Variants in ZHX2 observed in about 807,000 individuals in gnomAD.
The protein encoded by ZHX2 is zinc fingers and homeoboxes protein 2.
A neutral mutation model predicts 21.9 loss-of-function variants in ZHX2; 6 were observed. The observed-to-expected ratio is 0.27, with a 90% CI of 0.15 to 0.54. The LOEUF (loss-of-function observed/expected upper bound fraction) is 0.54. Ranked by LOEUF, ZHX2 falls within the 20% of genes least tolerant of loss-of-function variation. ZHX2 has a pLI of 0.95. For synonymous variants in ZHX2, 434 were observed against 437.1 expected (o/e 0.99, Z 0.09); for missense variants, 908 against 1,090.7 (o/e 0.83, Z 2.36).
At chr8:122,908,836 A>G (rs1820409010) in intron 2 of ZHX2, among the ~76,000 whole-genome samples, 1 of 152,176 alleles carries the variant, frequency 6.6e-6, no homozygotes, top group Non-Finnish European at 1.5e-5. Context: ...TTCTTTTTCA[A>G]AAGTAGATGT....
At chr8:122,906,345 G>A (rs899421892) in intron 2 of ZHX2, among the ~76,000 whole-genome samples, 12 of 152,272 alleles carry the variant, frequency 7.9e-5, no homozygotes, top group East Asian at 5.8e-4. Flanking sequence ...ATGAGAAATC[G>A]GAGATAACCT....
chr8:122,836,888 A>G (rs1818514763), intron 1 of ZHX2, among the ~76,000 whole-genome samples: 1 of 152,166 alleles, frequency 6.6e-6, no homozygotes. Flanking sequence ...GCATTTCCAG[A>G]CAATTAGGGC....
intron 2 of ZHX2, among the ~76,000 whole-genome samples, chr8:122,865,180 G>C (rs1027051303): frequency 1.3e-4 from 19 of 151,126 alleles, no homozygotes; most frequent in South Asian, 4.2e-4. Context: ...CCAGGCTGGA[G>C]TGCAGTGGCA....
At chr8:122,962,560 A>G (rs1235802935) in intron 3 of ZHX2, among the ~76,000 whole-genome samples, 2 of 152,094 alleles carry the variant, frequency 1.3e-5, no homozygotes, top group African/African-American at 4.8e-5. Context: ...TATTTTTGCA[A>G]CTGTGAATTT....
At chr8:122,945,436 CAAAAAAAAAA>C (rs60890533) in intron 2 of ZHX2, among the ~76,000 whole-genome samples, 26,990 of 73,546 alleles carry the variant, frequency 0.37, 3,389 homozygotes, top group Middle Eastern at 0.55. Context: ...CCTGTCTCTG[CAAAAAAAAAA>C]AAAAAAAAAA....
Position 122,947,265 on chromosome 8 carries a change from TA to T in ZHX2, c.-219-4013del, listed in dbSNP as rs61243571. ...GGGCAACAGAGCAAGACCCCATCTCTAAAAAAAAAAAAAACCTTTCTGCCTT... is the reference window on the plus strand; with the variant it reads ...GGGCAACAGAGCAAGACCCCATCTCTAAAAAAAAAAAAACCTTTCTGCCTT... On this transcript the variant is annotated intron_variant, in intron 2 of 3. Transcript: ENST00000314393. Among the ~76,000 whole-genome samples the T allele has an allele frequency of 6.1e-3, 867 of 141,902 alleles. 1 individual carries two copies. Among genetic ancestry groups the T allele is most frequent in the Middle Eastern group, 0.011 (3 of 284 alleles). 93.1% of individuals were successfully genotyped at this position (141,902 alleles called of 152,430 possible).
At chr8:122,839,904 A>G (rs1304247370) in intron 1 of ZHX2, among the ~76,000 whole-genome samples, 1 of 152,190 alleles carries the variant, frequency 6.6e-6, no homozygotes, top group African/African-American at 2.4e-5. Flanking sequence ...GGGACCCTCT[A>G]TTCTGAGCTA....
At chr8:122,857,177 C>T (rs1819046589) in intron 1 of ZHX2, among the ~76,000 whole-genome samples, 2 of 152,176 alleles carry the variant, frequency 1.3e-5, no homozygotes, top group Admixed American at 6.5e-5. Context: ...TTGCACAGTG[C>T]TTGAGTTAGC....
intron 3 of ZHX2, among the ~76,000 whole-genome samples, chr8:122,959,469 C>A (rs1182111088): frequency 1.3e-5 from 2 of 152,196 alleles, no homozygotes; most frequent in African/African-American, 4.8e-5. Flanking sequence ...GTTTCCCTCT[C>A]TCCTGTACCA....
intron 1 of ZHX2, among the ~76,000 whole-genome samples, chr8:122,785,053 A>G (rs541529411): frequency 6.6e-6 from 1 of 152,350 alleles, no homozygotes; most frequent in Non-Finnish European, 1.5e-5. Flanking sequence ...ATTAAACCAA[A>G]TCAAGCAGGC....
At chr8:122,941,565 C>T (rs1479336027) in intron 2 of ZHX2, among the ~76,000 whole-genome samples, 1 of 152,190 alleles carries the variant, frequency 6.6e-6, no homozygotes. Context: ...TCTACCTCGT[C>T]CTCCAAATTG....
At chr8:122,842,638 C>T (rs1037110978) in intron 1 of ZHX2, among the ~76,000 whole-genome samples, 4 of 151,998 alleles carry the variant, frequency 2.6e-5, no homozygotes, top group Non-Finnish European at 5.9e-5. Flanking sequence ...ACCCGGGAGG[C>T]GGAGCTGGCA....
chr8:122,787,444 T>C (rs184542280), intron 1 of ZHX2, among the ~76,000 whole-genome samples: 17 of 152,350 alleles, frequency 1.1e-4, no homozygotes, highest in Admixed American at 8.5e-4. Context: ...TATGAAGGAA[T>C]GTGAGCCAGG....
At chr8:122,851,071 G>A (rs28432059) in intron 1 of ZHX2, among the ~76,000 whole-genome samples, 27 of 152,148 alleles carry the variant, frequency 1.8e-4, no homozygotes, top group East Asian at 3.9e-4. Context: ...CACATGTTTC[G>A]CATGGAACTC....
chr8:122,792,956 A>G (rs1246968119), intron 1 of ZHX2, among the ~76,000 whole-genome samples: 1 of 152,044 alleles, frequency 6.6e-6, no homozygotes, highest in Non-Finnish European at 1.5e-5. Flanking sequence ...CACTGTGCTC[A>G]CTGTTGTGGG....
chr8:122,901,098 G>C (rs1449333311), intron 2 of ZHX2, among the ~76,000 whole-genome samples: 1 of 152,152 alleles, frequency 6.6e-6, no homozygotes, highest in Non-Finnish European at 1.5e-5. Context: ...AATTTACAAA[G>C]TGATTTGATT....
chr8:122,967,821 A>T (rs1398909615), intron 3 of ZHX2, among the ~76,000 whole-genome samples: 2 of 152,130 alleles, frequency 1.3e-5, no homozygotes, highest in Non-Finnish European at 2.9e-5. Flanking sequence ...GCAGTAGTAG[A>T]AGGGGATATA....
intron 1 of ZHX2, among the ~76,000 whole-genome samples, chr8:122,848,990 G>A (rs533996822): frequency 2.6e-5 from 4 of 152,308 alleles, no homozygotes; most frequent in East Asian, 1.9e-4. Flanking sequence ...GGGTCTCTTC[G>A]CGGCTGCTTG....
At chr8:122,817,287 G>T (rs1311657389) in intron 1 of ZHX2, among the ~76,000 whole-genome samples, 1 of 152,102 alleles carries the variant, frequency 6.6e-6, no homozygotes, top group Non-Finnish European at 1.5e-5. Flanking sequence ...ATCACTCTTA[G>T]CTCCCACAAG....
Sources: allele counts gnomAD v4.1 joint callset (sites outside exome capture counted in the v4.1 genomes callset), GRCh38; gene constraint gnomAD v4.1.1; transcripts MANE v1.5; gene names NCBI Gene and HGNC (gene_info 2026-07-23, HGNC 2026-07-21).